The following PRKCE variants were observed in gnomAD, a reference collection of about 807,000 sequenced individuals.
The protein encoded by PRKCE is protein kinase C epsilon type.
Under a neutral mutation model 85.4 loss-of-function variants are expected in PRKCE, and 16 were observed. The ratio of observed to expected loss-of-function variants is 0.19; its 90% CI spans 0.13 to 0.28. PRKCE has a LOEUF of 0.28. Among genes scored for constraint, PRKCE ranks in the 10% least tolerant of loss-of-function variants. The pLI, the probability that PRKCE is intolerant of heterozygous loss-of-function variation, is 1.00. For missense variants in PRKCE, 573 were observed against 975.2 expected, an observed-to-expected ratio of 0.59 and a Z score of 5.49; for synonymous variants, 388 against 371.5, an observed-to-expected ratio of 1.04 and a Z score of -0.51.
chr2:45,738,674 C>T (rs1682289447), intron 1 of PRKCE, among the ~76,000 whole-genome samples: 1 of 152,162 alleles, frequency 6.6e-6, no homozygotes, highest in Non-Finnish European at 1.5e-5. Flanking sequence ...GTGTGAGTTT[C>T]TATGAGGGCC....
Position 45,774,369 on chromosome 2 carries a change from T to G in PRKCE, c.349-68631T>G, listed in dbSNP as rs1685584898. On this transcript the variant is annotated intron_variant, in intron 1 of 14. Transcript: ENST00000306156. This position sits in a 1 kb window ranked among gnomAD's most constrained non-coding sequence, Gnocchi z 4.3. Reference sequence around the variant, plus strand: ...GTGGAAGTGCTCACTAAATAGGTGTTGAACGGAGGTGTGAACCCAGGATGA... The same window carrying G: ...GTGGAAGTGCTCACTAAATAGGTGTGGAACGGAGGTGTGAACCCAGGATGA... Among the ~76,000 whole-genome samples the G allele has an allele frequency of 6.6e-6, 1 of 152,124 alleles. No individual in the cohort carries two copies. Among genetic ancestry groups the G allele is most frequent in the Non-Finnish European group, 1.5e-5 (1 of 68,022 alleles).
chr2:46,095,889 G>A (rs1459740755), intron 11 of PRKCE, among the ~76,000 whole-genome samples: 1 of 152,196 alleles, frequency 6.6e-6, no homozygotes, highest in Non-Finnish European at 1.5e-5. Context: ...TTTAGCCTTT[G>A]TGTAGCCAGA....
intron 2 of PRKCE, among the ~76,000 whole-genome samples, chr2:45,925,019 G>A (rs61406953): frequency 0.081 from 12,328 of 152,200 alleles, 828 homozygotes; most frequent in East Asian, 0.28. Flanking sequence ...GTTCAGTGAG[G>A]GGAAACTGAG....
chr2:45,839,680 A>G (rs1340762988), intron 1 of PRKCE, among the ~76,000 whole-genome samples: 3 of 152,214 alleles, frequency 2.0e-5, no homozygotes, highest in Non-Finnish European at 4.4e-5. Context: ...CGTGAGCAGA[A>G]TTTATGATTA....
At chr2:45,753,869 A>G (rs1360543106) in intron 1 of PRKCE, among the ~76,000 whole-genome samples, 1 of 152,142 alleles carries the variant, frequency 6.6e-6, no homozygotes, top group Non-Finnish European at 1.5e-5. Context: ...CTGCATCTCC[A>G]AAAAAATAAA....
At chr2:45,761,630 G>A (rs1445868171) in intron 1 of PRKCE, among the ~76,000 whole-genome samples, 1 of 152,136 alleles carries the variant, frequency 6.6e-6, no homozygotes, top group African/African-American at 2.4e-5. Context: ...TTGGGCCCCA[G>A]TCTAATCTCT....
At chr2:45,659,320 A>G (rs1005372264) in intron 1 of PRKCE, among the ~76,000 whole-genome samples, 2 of 152,190 alleles carry the variant, frequency 1.3e-5, no homozygotes, top group Non-Finnish European at 2.9e-5. Flanking sequence ...CAGGTGCCCC[A>G]TATCTTATCC....
At chr2:46,053,935 C>T (rs369945692) in intron 10 of PRKCE, among the ~76,000 whole-genome samples, 5 of 152,212 alleles carry the variant, frequency 3.3e-5, no homozygotes, top group East Asian at 3.9e-4. Context: ...TTTTAGGAGC[C>T]GCCATACTGT....
At chr2:45,741,353 C>A (rs973770222) in intron 1 of PRKCE, among the ~76,000 whole-genome samples, 1 of 152,172 alleles carries the variant, frequency 6.6e-6, no homozygotes, top group Non-Finnish European at 1.5e-5. Context: ...ACACCCAGAT[C>A]TGACACTTTC....
intron 10 of PRKCE, among the ~76,000 whole-genome samples, chr2:46,029,679 G>T (rs1010472831): frequency 7.9e-6 from 1 of 126,262 alleles, no homozygotes; most frequent in Non-Finnish European, 1.6e-5. Flanking sequence ...GTTTGTCGTC[G>T]TATGGGTTTT....
In PRKCE at chr2:45,900,630, C is replaced by T. The variant is rs76587905; in HGVS notation, c.412+57567C>T. Among the ~76,000 whole-genome samples, 958 of 152,248 alleles carry T rather than the reference C, an allele frequency of 6.3e-3. 8 individuals are homozygous for T. Among genetic ancestry groups the T allele is most frequent in the African/African-American group, 0.021 (885 of 41,528 alleles). On this transcript the variant is annotated intron_variant, in intron 2 of 14. Transcript: ENST00000306156. ...GCTAGAGGGAGGAGAGAATAGAGGA[C>T]TATTGTTCAATGGTAGAGATTTTCA...
intron 1 of PRKCE, among the ~76,000 whole-genome samples, chr2:45,819,249 G>A (rs968078496): frequency 6.6e-6 from 1 of 152,162 alleles, no homozygotes; most frequent in African/African-American, 2.4e-5. Flanking sequence ...TCAAGAGTGA[G>A]GCACACAAGG....
intron 7 of PRKCE, among the ~76,000 whole-genome samples, chr2:46,002,469 C>T (rs1246019784): frequency 6.6e-6 from 1 of 152,218 alleles, no homozygotes; most frequent in Non-Finnish European, 1.5e-5. Flanking sequence ...TCCTACATTT[C>T]CTGGTCATCT....
chr2:45,680,597 C>A (rs559266932), intron 1 of PRKCE, among the ~76,000 whole-genome samples: 21 of 152,206 alleles, frequency 1.4e-4, no homozygotes, highest in Admixed American at 3.3e-4. Context: ...GGCCAGCCGA[C>A]TTCTGCCAGT....
chr2:45,928,187 T>G (rs745890920), intron 2 of PRKCE, among the ~76,000 whole-genome samples: 12 of 152,210 alleles, frequency 7.9e-5, no homozygotes, highest in Non-Finnish European at 1.6e-4. Context: ...TGAGTCCCAG[T>G]GACCTCTACA....
At chr2:45,826,130 G>A (rs1478909702) in intron 1 of PRKCE, among the ~76,000 whole-genome samples, 2 of 152,146 alleles carry the variant, frequency 1.3e-5, no homozygotes, top group Non-Finnish European at 2.9e-5. Flanking sequence ...TCAGACACCG[G>A]AGCAGATCCT....
chr2:46,019,270 C>T (rs765440214), intron 10 of PRKCE, among the ~76,000 whole-genome samples: 1 of 152,026 alleles, frequency 6.6e-6, no homozygotes, highest in Non-Finnish European at 1.5e-5. Flanking sequence ...TCAGGGACTT[C>T]GGTTTCTTGC....
At chr2:45,680,605 A>G (rs2103929173) in intron 1 of PRKCE, among the ~76,000 whole-genome samples, 1 of 152,372 alleles carries the variant, frequency 6.6e-6, no homozygotes, top group Non-Finnish European at 1.5e-5. Flanking sequence ...GACTTCTGCC[A>G]GTAGGCTAAA....
chr2:46,006,171 A>C (rs1705180082), intron 8 of PRKCE, among the ~76,000 whole-genome samples: 1 of 152,246 alleles, frequency 6.6e-6, no homozygotes. Context: ...TTATTACAGA[A>C]CAGAAATAAG....
Sources: allele counts gnomAD v4.1 joint callset (sites outside exome capture counted in the v4.1 genomes callset), GRCh38; gene constraint gnomAD v4.1.1; non-coding constraint Gnocchi (gnomAD v3.1); transcripts MANE v1.5; gene names NCBI Gene and HGNC (gene_info 2026-07-23, HGNC 2026-07-21).